The following TRPM3 variants were observed in gnomAD, a reference collection of about 807,000 sequenced individuals.
TRPM3 encodes the protein transient receptor potential cation channel subfamily M member 3.
In TRPM3, 77 loss-of-function variants were observed where a neutral mutation model predicts 181.2. The ratio of observed to expected loss-of-function variants is 0.42; its 90% CI spans 0.35 to 0.51. TRPM3 has a LOEUF of 0.51. TRPM3 is among the 20% of genes least tolerant of loss of function. The pLI is 0.01. For synonymous variants in TRPM3, 745 were observed against 796.4 expected, an observed-to-expected ratio of 0.94 and a Z score of 1.09; for missense variants, 1,759 against 2,196.7, an observed-to-expected ratio of 0.80 and a Z score of 3.98.
chr9:71,121,409 T>TAGGCTTCC lies in TRPM3; in HGVS notation c.-56_-55insGGAAGCCT. Reference sequence around the variant, plus strand: ...CATTAGGGCAGAGGCTTCCTGGAACTTGGAAGACTAGTCAAGTAGCCTTGC... The same window carrying TAGGCTTCC: ...CATTAGGGCAGAGGCTTCCTGGAACTAGGCTTCCTGGAAGACTAGTCAAGTAGCCTTGC... On this transcript the variant is annotated 5_prime_UTR_variant, in exon 1 of 26. It removes the in-frame stop codon of an upstream open reading frame in the 5' UTR. Transcript: ENST00000677713. The TAGGCTTCC allele has an allele frequency of 6.3e-7, 1 of 1,582,268 alleles. No homozygotes were observed. Among genetic ancestry groups the TAGGCTTCC allele is most frequent in the Admixed American group, 1.8e-5 (1 of 55,936 alleles).
intron 1 of TRPM3, among the ~76,000 whole-genome samples, chr9:71,181,379 T>G (rs2077392731): frequency 6.6e-6 from 1 of 151,910 alleles, no homozygotes. Flanking sequence ...TTTTTTTTTT[T>G]TTTTTGATTA....
At chr9:70,593,272 C>T (rs762268243) in intron 21 of TRPM3, among the ~76,000 whole-genome samples, 7 of 152,168 alleles carry the variant, frequency 4.6e-5, no homozygotes, top group Non-Finnish European at 8.8e-5. Flanking sequence ...GGTCTCAGAA[C>T]TCTTTTAAAG....
At chr9:70,847,533 C>T (rs915676183) in intron 3 of TRPM3, among the ~76,000 whole-genome samples, 3 of 152,068 alleles carry the variant, frequency 2.0e-5, no homozygotes, top group African/African-American at 7.2e-5. Flanking sequence ...CCTGGAAGAC[C>T]TAGAGCATCT....
intron 21 of TRPM3, among the ~76,000 whole-genome samples, chr9:70,595,405 T>A (rs2058831609): frequency 6.6e-6 from 1 of 152,220 alleles, no homozygotes; most frequent in African/African-American, 2.4e-5. Flanking sequence ...TTTGTAGTCA[T>A]AACTGCGTGT....
At chr9:70,957,153 G>A (rs567263316) in intron 1 of TRPM3, among the ~76,000 whole-genome samples, 2 of 151,814 alleles carry the variant, frequency 1.3e-5, no homozygotes, top group Non-Finnish European at 2.9e-5. Context: ...TAGTAGAGAC[G>A]GGGTTTCACC....
intron 1 of TRPM3, among the ~76,000 whole-genome samples, chr9:71,258,453 A>AT (rs2082818355): frequency 6.6e-6 from 1 of 152,048 alleles, no homozygotes; most frequent in African/African-American, 2.4e-5. Context: ...TATCATTTAT[A>AT]TTTTTTTACA....
At chr9:70,741,977 A>T (rs371291261) in intron 8 of TRPM3, among the ~76,000 whole-genome samples, 2 of 152,176 alleles carry the variant, frequency 1.3e-5, no homozygotes, top group Non-Finnish European at 2.9e-5. Context: ...TATTGAAATA[A>T]GAAAGAAAAC....
At chr9:70,610,523 G>A (rs1475630348) in intron 19 of TRPM3, 86 bp downstream of exon 19, 3 of 1,496,216 alleles carry the variant, frequency 2.0e-6, no homozygotes, top group Non-Finnish European at 2.7e-6. Context: ...CTTACGACTT[G>A]CAGAGAAAAC....
intron 1 of TRPM3, among the ~76,000 whole-genome samples, chr9:71,376,291 A>G (rs1430116176): frequency 1.3e-5 from 2 of 152,110 alleles, no homozygotes; most frequent in African/African-American, 4.8e-5. Context: ...CAGACAAGAT[A>G]TAACACACAT....
chr9:70,681,148 A>G (rs1402628925), intron 9 of TRPM3, among the ~76,000 whole-genome samples: 1 of 152,106 alleles, frequency 6.6e-6, no homozygotes, highest in Admixed American at 6.6e-5. Flanking sequence ...ACATATACTC[A>G]CACATATGCC....
In TRPM3 at chr9:70,625,153, C is replaced by T. The variant is rs752588864; in HGVS notation, c.1809+38G>A. The T allele has an allele frequency of 6.2e-7, 1 of 1,612,042 alleles. No homozygotes were observed. The highest frequency in any genetic ancestry group is 1.3e-5 in the African/African-American group (1 of 74,888). ...CAACCCAAATCCCATACACCCTAGTCCTCCCAGGAAGGGCCCCGAATTTGC... is the reference window on the plus strand; with the variant it reads ...CAACCCAAATCCCATACACCCTAGTTCTCCCAGGAAGGGCCCCGAATTTGC... On this transcript the variant is annotated intron_variant, in intron 14 of 25. Transcript: ENST00000677713. This position sits in a 1 kb window ranked among gnomAD's most constrained non-coding sequence, Gnocchi z 4.8.
chr9:71,404,858 C>G (rs1167078680), intron 1 of TRPM3, among the ~76,000 whole-genome samples: 2 of 152,158 alleles, frequency 1.3e-5, no homozygotes, highest in African/African-American at 4.8e-5. Flanking sequence ...AGCCATTGTC[C>G]CTGCCTGTTA....
chr9:71,053,790 G>C (rs1167106608), intron 1 of TRPM3, among the ~76,000 whole-genome samples: 1 of 152,068 alleles, frequency 6.6e-6, no homozygotes, highest in Non-Finnish European at 1.5e-5. Context: ...TGCAATGACT[G>C]AGATTTTTCT....
At chr9:70,931,195 T>C (rs540375043) in intron 1 of TRPM3, among the ~76,000 whole-genome samples, 40 of 152,270 alleles carry the variant, frequency 2.6e-4, no homozygotes, top group African/African-American at 9.6e-4. Flanking sequence ...ATTATCCTTA[T>C]AGTAAATGCA....
At chr9:71,070,242 T>C (rs1421156) in intron 1 of TRPM3, among the ~76,000 whole-genome samples, 35,060 of 152,176 alleles carry the variant, frequency 0.23, 4,764 homozygotes, top group East Asian at 0.34. Context: ...TATAACCTAC[T>C]GGTGAACTTT....
At chr9:71,081,038 T>C (rs2064237002) in intron 1 of TRPM3, among the ~76,000 whole-genome samples, 1 of 152,110 alleles carries the variant, frequency 6.6e-6, no homozygotes, top group Non-Finnish European at 1.5e-5. Flanking sequence ...ACCTGGCTTG[T>C]TGGAGGTAGG....
At chr9:70,871,424 TGTCTTG>T (rs1044855550) in intron 1 of TRPM3, among the ~76,000 whole-genome samples, 4 of 151,776 alleles carry the variant, frequency 2.6e-5, no homozygotes, top group African/African-American at 9.7e-5. Context: ...TACTTGTTTT[TGTCTTG>T]TTTTCCCTTT....
chr9:71,419,625 T>G (rs1385491522), intron 1 of TRPM3, among the ~76,000 whole-genome samples: 1 of 151,984 alleles, frequency 6.6e-6, no homozygotes, highest in Non-Finnish European at 1.5e-5. Flanking sequence ...CAAAGATACA[T>G]ATCACAATCC....
At chr9:70,961,230 G>A (rs1201084242) in intron 1 of TRPM3, among the ~76,000 whole-genome samples, 2 of 152,126 alleles carry the variant, frequency 1.3e-5, no homozygotes, top group Non-Finnish European at 2.9e-5. Flanking sequence ...AAAGAATGCA[G>A]GTGGTCTCTA....
Sources: gnomAD v4.1 joint callset for allele counts (sites outside exome capture counted in the v4.1 genomes callset) on GRCh38, gnomAD v4.1.1 for gene constraint, Gnocchi (gnomAD v3.1) non-coding constraint, MANE v1.5 for transcripts, NCBI Gene and HGNC (gene_info 2026-07-23, HGNC 2026-07-21) for gene names.